The following APBB2 variants were observed in gnomAD, a reference collection of about 807,000 sequenced individuals.
APBB2 encodes the protein Fe65-like 1.
APBB2 carries 38 observed loss-of-function variants against 82.5 expected under a neutral mutation model. That is an observed-to-expected ratio of 0.46 (90% CI 0.36 to 0.60). APBB2 has a LOEUF of 0.60. Among genes scored for constraint, APBB2 ranks in the 20% least tolerant of loss-of-function variants. The pLI is 0.00. For missense variants in APBB2, 772 were observed against 972.3 expected (o/e 0.79, Z 2.74); for synonymous variants, 341 against 368.2 (o/e 0.93, Z 0.85).
rs181179610 is a variant in APBB2, at chr4:40,927,895, C to T, written c.1254+6561G>A. 1.6e-3 allele frequency among the ~76,000 whole-genome samples: 241 copies of T among 152,286 alleles called. 2 individuals are homozygous for T. Among genetic ancestry groups the T allele is most frequent in the African/African-American group, 5.6e-3 (231 of 41,556 alleles). On this transcript the variant is annotated intron_variant, in intron 10 of 17. Transcript: ENST00000508593. ...AGGACAGAAAAGAACTCTGACAAAACGGTATATATATTTCAAAGCATTAAG... is the reference window on the plus strand; with the variant it reads ...AGGACAGAAAAGAACTCTGACAAAATGGTATATATATTTCAAAGCATTAAG...
intron 2 of APBB2, among the ~76,000 whole-genome samples, chr4:41,136,233 G>T (rs1757523917): frequency 6.6e-6 from 1 of 152,158 alleles, no homozygotes; most frequent in Non-Finnish European, 1.5e-5. Context: ...ACAAGAATAA[G>T]AAGACCTTAT....
intron 5 of APBB2, among the ~76,000 whole-genome samples, chr4:41,021,868 C>T (rs2154433885): frequency 6.6e-6 from 1 of 152,276 alleles, no homozygotes; most frequent in African/African-American, 2.4e-5. Flanking sequence ...CTCAAGTCAG[C>T]AAAACCACGA....
chr4:40,906,484 A>AAAAG (rs1776772215), intron 10 of APBB2, among the ~76,000 whole-genome samples: 1 of 141,650 alleles, frequency 7.1e-6, no homozygotes, highest in Non-Finnish European at 1.5e-5. Flanking sequence ...AAAAAAAAAA[A>AAAAG]AAAAGAAAAG....
At chr4:41,137,102 G>C (rs1159652379) in intron 2 of APBB2, among the ~76,000 whole-genome samples, 1 of 152,120 alleles carries the variant, frequency 6.6e-6, no homozygotes, top group Non-Finnish European at 1.5e-5. Context: ...TATGAAAAAT[G>C]TCCCATTTTC....
intron 6 of APBB2, among the ~76,000 whole-genome samples, chr4:40,982,163 C>A (rs1263076835): frequency 1.7e-4 from 23 of 137,028 alleles, no homozygotes; most frequent in African/African-American, 6.4e-4. Flanking sequence ...CCAGCCTGGG[C>A]AACAAGAGTG....
In APBB2 at chr4:40,834,933, G is replaced by A. The variant is rs937584773; in HGVS notation, c.1530-4356C>T. On this transcript the variant is annotated intron_variant, in intron 12 of 17. Coordinates refer to ENST00000508593, the MANE Select transcript of APBB2 (RefSeq NM_004307.2). ...GCAACAATAGGAAATGAATGCAACT[G>A]CCGTTTGGATTTTATGGTGTGGTAT... Among the ~76,000 whole-genome samples the A allele has an allele frequency of 9.2e-5, 14 of 152,176 alleles. 1 individual carries two copies. Among genetic ancestry groups the A allele is most frequent in the Admixed American group, 8.5e-4 (13 of 15,278 alleles).
intron 5 of APBB2, among the ~76,000 whole-genome samples, chr4:41,016,721 C>T (rs1351476033): frequency 6.6e-6 from 1 of 151,684 alleles, no homozygotes; most frequent in Non-Finnish European, 1.5e-5. Flanking sequence ...ATTACCCTAT[C>T]AGGGGCCATG....
intron 17 of APBB2, among the ~76,000 whole-genome samples, 196 bp downstream of exon 17, chr4:40,821,675 A>G (rs1560604627): frequency 6.6e-6 from 1 of 152,174 alleles, no homozygotes; most frequent in Non-Finnish European, 1.5e-5. Context: ...CACTTCTTTC[A>G]GGAGTTCTGG....
At chr4:40,843,038 A>G (rs1285782512) in intron 12 of APBB2, among the ~76,000 whole-genome samples, 3 of 152,158 alleles carry the variant, frequency 2.0e-5, no homozygotes, top group South Asian at 2.1e-4. Context: ...TCCCTCCCTG[A>G]GCTACCCAGA....
intron 4 of APBB2, among the ~76,000 whole-genome samples, chr4:41,033,818 T>C (rs1718052573): frequency 6.6e-6 from 1 of 151,936 alleles, no homozygotes; most frequent in Non-Finnish European, 1.5e-5. Flanking sequence ...TTAAGAAAAA[T>C]ATGAACAAGT....
At chr4:40,830,399 C>T (rs1298278085) in intron 13 of APBB2, 64 bp downstream of exon 13, 8 of 1,175,214 alleles carry the variant, frequency 6.8e-6, no homozygotes, top group Non-Finnish European at 7.7e-6. Flanking sequence ...CCCGCCCTTC[C>T]ACATCCTTTT....
chr4:41,023,952 A>T (rs942182745), intron 5 of APBB2, among the ~76,000 whole-genome samples: 1 of 152,236 alleles, frequency 6.6e-6, no homozygotes, highest in Admixed American at 6.5e-5. Flanking sequence ...TTCAGTACTC[A>T]AAACAGCATG....
intron 12 of APBB2, among the ~76,000 whole-genome samples, chr4:40,846,086 C>CTCTTTGTTTTTCAT (rs930433961): frequency 6.6e-6 from 1 of 151,522 alleles, no homozygotes; most frequent in Non-Finnish European, 1.5e-5. Context: ...GGCCCTTAGC[C>CTCTTTGTTTTTCAT]TCTTTGTTTT....
chr4:40,899,611 G>T (rs780801640), intron 10 of APBB2, among the ~76,000 whole-genome samples: 2 of 152,236 alleles, frequency 1.3e-5, no homozygotes, highest in African/African-American at 4.8e-5. Context: ...AAATGAAGAA[G>T]GGCAAGTGGC....
chr4:41,029,807 C>G (rs1011615250), intron 5 of APBB2, among the ~76,000 whole-genome samples: 1 of 152,136 alleles, frequency 6.6e-6, no homozygotes, highest in African/African-American at 2.4e-5. Context: ...GGCAGAGGGT[C>G]TTATGAGAAC....
chr4:40,990,551 C>T (rs1297466106), intron 6 of APBB2, among the ~76,000 whole-genome samples: 1 of 152,166 alleles, frequency 6.6e-6, no homozygotes, highest in Non-Finnish European at 1.5e-5. Flanking sequence ...CAGCAAACAG[C>T]TCAGGATTTC....
chr4:40,831,738 C>T (rs1751972269), intron 12 of APBB2, among the ~76,000 whole-genome samples: 1 of 152,138 alleles, frequency 6.6e-6, no homozygotes, highest in African/African-American at 2.4e-5. Flanking sequence ...CTATCAAAGG[C>T]CTTTGACTGT....
chr4:40,937,797 A>G (rs930369492), intron 7 of APBB2, among the ~76,000 whole-genome samples: 1 of 152,244 alleles, frequency 6.6e-6, no homozygotes, highest in Non-Finnish European at 1.5e-5. Context: ...CTTTGTCTTA[A>G]ATTTTAAGAA....
intron 10 of APBB2, among the ~76,000 whole-genome samples, chr4:40,895,340 A>G (rs1018424575): frequency 1.3e-5 from 2 of 152,274 alleles, no homozygotes; most frequent in African/African-American, 4.8e-5. Context: ...AAGAGAAGGC[A>G]GTCCCCGTGA....
Sources: gnomAD v4.1 joint callset for allele counts (sites outside exome capture counted in the v4.1 genomes callset) on GRCh38, gnomAD v4.1.1 for gene constraint, MANE v1.5 for transcripts, NCBI Gene and HGNC (gene_info 2026-07-23, HGNC 2026-07-21) for gene names.